KLHL7: variants seen among roughly 807,000 people sequenced by gnomAD.
KLHL7 encodes the protein kelch like family member 7, also known as kelch-like protein 7.
In KLHL7, 44 loss-of-function variants were observed where a neutral mutation model predicts 67.4. That is an observed-to-expected ratio of 0.65 (90% CI 0.51 to 0.84). The LOEUF (loss-of-function observed/expected upper bound fraction) is 0.84, where lower values mean the gene tolerates loss of function less well. KLHL7 is among the 40% of genes least tolerant of loss of function. The pLI is 0.00. For synonymous variants in KLHL7, 252 were observed against 243.3 expected (o/e 1.04, Z -0.33); for missense variants, 362 against 718.1 (o/e 0.50, Z 5.67).
chr7:23,154,164 G>A lies in KLHL7; in HGVS notation c.936+1955G>A, dbSNP rs965331724. On this transcript the variant is annotated intron_variant, in intron 7 of 10. Transcript: ENST00000339077. The stretch of plus-strand genomic sequence containing the variant: ...AAGTCAGGAGTTTGAGACCAGCCTG[G>A]CCAACATGGTGAAACTCCGTCTCTA... 1.2e-4 allele frequency among the ~76,000 whole-genome samples: 19 copies of A among 152,168 alleles called. 1 individual carries two copies. The highest frequency in any genetic ancestry group is 4.6e-4 in the African/African-American group (19 of 41,432).
intron 1 of KLHL7, among the ~76,000 whole-genome samples, chr7:23,107,408 C>G (rs1340789742): frequency 6.6e-6 from 1 of 152,130 alleles, no homozygotes; most frequent in Admixed American, 6.5e-5. Flanking sequence ...CATAGTTAAC[C>G]AGGGCTTAAA....
chr7:23,155,830 T>C lies in KLHL7; in HGVS notation c.936+3621T>C, dbSNP rs1035981096. ...GAAAATATTTTATTTTAAAATAAAG[T>C]AGATGGCTATTTTGATGTACAGATG... On this transcript the variant is annotated intron_variant, in intron 7 of 10. Transcript: ENST00000339077. Among the ~76,000 whole-genome samples, 7 of 152,334 alleles carry C rather than the reference T, an allele frequency of 4.6e-5. 1 individual carries two copies. The South Asian group carries it at 8.3e-4, about 18-fold the overall frequency.
At chr7:23,159,968 C>A (rs762133438) in intron 7 of KLHL7, among the ~76,000 whole-genome samples, 12 of 152,126 alleles carry the variant, frequency 7.9e-5, no homozygotes, top group Non-Finnish European at 1.5e-4. Flanking sequence ...TCCCTGTCAC[C>A]CTTGGGTTTT....
chr7:23,142,667 C>A (rs1784227470), intron 5 of KLHL7, among the ~76,000 whole-genome samples: 1 of 152,088 alleles, frequency 6.6e-6, no homozygotes, highest in Non-Finnish European at 1.5e-5. Flanking sequence ...TCCTAAAAAA[C>A]CATAACCTCA....
chr7:23,134,333 G>A (rs1346127493), intron 4 of KLHL7, among the ~76,000 whole-genome samples: 1 of 152,182 alleles, frequency 6.6e-6, no homozygotes, highest in Admixed American at 6.5e-5. Flanking sequence ...TTTTTAATGT[G>A]TTGTTGAATT....
chr7:23,139,050 A>G (rs1362315204), intron 4 of KLHL7, among the ~76,000 whole-genome samples: 2 of 151,722 alleles, frequency 1.3e-5, no homozygotes, highest in South Asian at 2.1e-4. Context: ...ACAAACACAT[A>G]TAACATTTTA....
At chr7:23,148,287 A>G (rs1199353025) in intron 6 of KLHL7, among the ~76,000 whole-genome samples, 1 of 152,174 alleles carries the variant, frequency 6.6e-6, no homozygotes, top group Non-Finnish European at 1.5e-5. Flanking sequence ...AAACTGAAAA[A>G]GACTAAGTGT....
chr7:23,149,113 G>T (rs1360596873), intron 6 of KLHL7, among the ~76,000 whole-genome samples: 1 of 152,088 alleles, frequency 6.6e-6, no homozygotes, highest in African/African-American at 2.4e-5. Flanking sequence ...AAAAGAAAAT[G>T]AATTACAAAA....
chr7:23,149,018 G>C (rs1290155004), intron 6 of KLHL7, among the ~76,000 whole-genome samples: 4 of 152,140 alleles, frequency 2.6e-5, no homozygotes, highest in Non-Finnish European at 5.9e-5. Context: ...CCTACCACCG[G>C]ACTTTGTTGC....
At chr7:23,129,576 T>G (rs1034482698) in intron 4 of KLHL7, 2 of 210,806 alleles carry the variant, frequency 9.5e-6, no homozygotes, top group Non-Finnish European at 1.9e-5. Flanking sequence ...AGTGGCCGAG[T>G]CGACTACATT....
chr7:23,168,152 T>C (rs1286247781), intron 9 of KLHL7, 115 bp downstream of exon 9: 1 of 967,656 alleles, frequency 1.0e-6, no homozygotes, highest in East Asian at 2.6e-5. Context: ...GTGAAGAGTG[T>C]ATATAAACTT....
intron 9 of KLHL7, 113 bp downstream of exon 9, chr7:23,168,150 T>A: frequency 1.0e-6 from 1 of 994,776 alleles, no homozygotes; most frequent in Non-Finnish European, 1.6e-6. Flanking sequence ...GAGTGAAGAG[T>A]GTATATAAAC....
rs1385573902 is a variant in KLHL7 at position 23,152,051 on chromosome 7, A to G, written c.794-16A>G. 5.0e-6 allele frequency: 8 copies of G among 1,613,550 alleles called. No individual in the cohort carries two copies. In the South Asian group the frequency reaches 5.5e-5, roughly 11 times the overall value. ...TGCCTGAAGTTCTTGAAGCGTTGCC[A>G]TGTATTTTACTACAGGTGGAATGAG... is the stretch of plus-strand genomic sequence containing the variant. On this transcript the variant is annotated splice_polypyrimidine_tract_variant and intron_variant, in intron 6 of 10. Transcript: ENST00000339077.
At chr7:23,131,274 T>C (rs1389252185) in intron 4 of KLHL7, among the ~76,000 whole-genome samples, 1 of 152,210 alleles carries the variant, frequency 6.6e-6, no homozygotes, top group East Asian at 1.9e-4. Context: ...CAGCTGTTAT[T>C]AACTGCCTTT....
chr7:23,138,032 C>T (rs560228592), intron 4 of KLHL7, among the ~76,000 whole-genome samples: 25 of 150,090 alleles, frequency 1.7e-4, no homozygotes, highest in African/African-American at 5.9e-4. Context: ...AAAAATTAGC[C>T]TGGCGTGCTG....
rs1424561829 is a variant in KLHL7, at chr7:23,176,094, T to TAAAA, written c.*1796_*1797insAAAA. ...TGTACTGATTAGCAATGGTTCCCTA[T>TAAAA]TTCCCCCAACGCCCCTGTATTTCCT... is the stretch of plus-strand genomic sequence containing the variant. On this transcript the variant is annotated 3_prime_UTR_variant, in exon 11 of 11. Transcript: ENST00000339077. 1 of 152,154 alleles carries TAAAA rather than the reference T, an allele frequency of 6.6e-6. No homozygotes were observed. The highest frequency in any genetic ancestry group is 2.4e-5 in the African/African-American group (1 of 41,420). The allele number at this position is 152,154 out of a possible 1,614,324, so 9.4% of individuals were successfully genotyped here.
chr7:23,120,822 C>T (rs576912684), intron 1 of KLHL7, among the ~76,000 whole-genome samples: 3 of 152,290 alleles, frequency 2.0e-5, no homozygotes, highest in East Asian at 3.9e-4. Flanking sequence ...CTTAGCCTAC[C>T]AAAGTGCTGG....
chr7:23,124,894 G>T, intron 3 of KLHL7, 113 bp downstream of exon 3: 1 of 1,115,620 alleles, frequency 9.0e-7, no homozygotes, highest in East Asian at 2.5e-5. Context: ...AAACCGCAAG[G>T]ATGGAAGAGT....
At chr7:23,124,849 A>G (rs1471763806) in intron 3 of KLHL7, 68 bp downstream of exon 3, 1 of 1,204,212 alleles carries the variant, frequency 8.3e-7, no homozygotes, top group Non-Finnish European at 1.2e-6. Flanking sequence ...GCATTGTCGT[A>G]ACAAATAGTT....
Sources: gnomAD v4.1 joint callset for allele counts (sites outside exome capture counted in the v4.1 genomes callset) on GRCh38, gnomAD v4.1.1 for gene constraint, MANE v1.5 for transcripts, NCBI Gene and HGNC (gene_info 2026-07-23, HGNC 2026-07-21) for gene names.